The following CNTN5 variants were observed in gnomAD, a reference collection of about 807,000 sequenced individuals.
The protein encoded by CNTN5 is contactin-5.
In CNTN5, 77 loss-of-function variants were observed where a neutral mutation model predicts 129.1. The observed-to-expected ratio is 0.60, with a 90% confidence interval of 0.50 to 0.72. CNTN5 has a LOEUF of 0.72. Among genes scored for constraint, CNTN5 ranks in the 30% least tolerant of loss-of-function variants. The pLI, the probability that CNTN5 is intolerant of heterozygous loss-of-function variation, is 0.00. For synonymous variants in CNTN5, 509 were observed against 465.6 expected (o/e 1.09, Z -1.20); for missense variants, 1,478 against 1,328.8 (o/e 1.11, Z -1.75).
At chr11:100,015,528 G>A (rs1940777200) in intron 9 of CNTN5, among the ~76,000 whole-genome samples, 1 of 152,112 alleles carries the variant, frequency 6.6e-6, no homozygotes, top group South Asian at 2.1e-4. Flanking sequence ...CCTGTGGTCT[G>A]TAACTAACAA....
chr11:99,972,256 G>A (rs1951283781), intron 8 of CNTN5, among the ~76,000 whole-genome samples: 1 of 151,986 alleles, frequency 6.6e-6, no homozygotes, highest in African/African-American at 2.4e-5. Context: ...GCGAGACTCT[G>A]TTTCAAAAAA....
intron 3 of CNTN5, among the ~76,000 whole-genome samples, chr11:99,729,857 A>C (rs767302362): frequency 6.6e-5 from 10 of 152,170 alleles, no homozygotes; most frequent in Non-Finnish European, 1.5e-4. Flanking sequence ...ATGAGAACAC[A>C]TGGACACGGG....
At chr11:99,634,855 A>G (rs992760985) in intron 3 of CNTN5, among the ~76,000 whole-genome samples, 4 of 152,196 alleles carry the variant, frequency 2.6e-5, no homozygotes, top group African/African-American at 4.8e-5. Context: ...CGTGTCATCA[A>G]TGTCCCTCCA....
chr11:99,567,381 A>G (rs1366742470), intron 3 of CNTN5, among the ~76,000 whole-genome samples: 1 of 150,798 alleles, frequency 6.6e-6, no homozygotes, highest in African/African-American at 2.4e-5. Context: ...TTTTTTCTCT[A>G]CTTTGACCCC....
intron 3 of CNTN5, among the ~76,000 whole-genome samples, chr11:99,745,901 T>C (rs1944040794): frequency 6.6e-6 from 1 of 152,170 alleles, no homozygotes; most frequent in African/African-American, 2.4e-5. Context: ...AGAATAGGGC[T>C]ATACTCAGGT....
chr11:99,701,218 T>C (rs933336416), intron 3 of CNTN5, among the ~76,000 whole-genome samples: 10 of 151,162 alleles, frequency 6.6e-5, no homozygotes, highest in Non-Finnish European at 1.2e-4. Context: ...AGATAAAGAA[T>C]GCAAATGAGC....
At chr11:99,074,738 A>T (rs917489192) in intron 1 of CNTN5, among the ~76,000 whole-genome samples, 6 of 152,224 alleles carry the variant, frequency 3.9e-5, no homozygotes, top group Admixed American at 2.6e-4. Context: ...TAATTTAAAA[A>T]GTGTGATTGC....
At chr11:99,500,267 G>C (rs921352934) in intron 2 of CNTN5, among the ~76,000 whole-genome samples, 1 of 152,152 alleles carries the variant, frequency 6.6e-6, no homozygotes, top group Non-Finnish European at 1.5e-5. Flanking sequence ...TGCAGTGATA[G>C]TAACTCAAAG....
At chr11:100,012,209 A>G (rs1233200712) in intron 9 of CNTN5, among the ~76,000 whole-genome samples, 4 of 152,290 alleles carry the variant, frequency 2.6e-5, no homozygotes, top group African/African-American at 9.6e-5. Context: ...TTGCTTTAGT[A>G]TGGTTGAGAT....
intron 20 of CNTN5, among the ~76,000 whole-genome samples, chr11:100,304,024 T>G (rs1276185972): frequency 6.6e-6 from 1 of 151,572 alleles, no homozygotes; most frequent in Non-Finnish European, 1.5e-5. Flanking sequence ...AGGGATCTCT[T>G]GGAAAGTCAG....
At chr11:99,176,181 T>C (rs1212181990) in intron 1 of CNTN5, among the ~76,000 whole-genome samples, 2 of 152,232 alleles carry the variant, frequency 1.3e-5, no homozygotes, top group Non-Finnish European at 2.9e-5. Flanking sequence ...GAAATCACTT[T>C]GTCGTGTTTC....
chr11:100,064,142 C>A (rs532650463), intron 10 of CNTN5, among the ~76,000 whole-genome samples: 62 of 152,130 alleles, frequency 4.1e-4, no homozygotes, highest in Non-Finnish European at 7.2e-4. Context: ...AATTGGGATT[C>A]TATCTGTTAG....
chr11:99,618,435 CA>C, intron 3 of CNTN5, among the ~76,000 whole-genome samples: 1 of 152,224 alleles, frequency 6.6e-6, no homozygotes, highest in Non-Finnish European at 1.5e-5. Context: ...CTTGATTAAT[CA>C]CTCACAGTTT....
At chr11:99,627,751 G>T (rs1297517560) in intron 3 of CNTN5, among the ~76,000 whole-genome samples, 3 of 151,788 alleles carry the variant, frequency 2.0e-5, no homozygotes, top group Non-Finnish European at 4.4e-5. Flanking sequence ...TAATATCTGG[G>T]CCAGCCAGGC....
At position 99,483,166 on chromosome 11, in the gene CNTN5, C is replaced by T. The variant is rs565598352; in HGVS notation, c.-70-72979C>T. Reference sequence around the variant, plus strand: ...ACTCCAGCCTGGCAACAGAGTGAGACTCCTTCTCAAAAAAAAAAAAAAAAA... The same window carrying T: ...ACTCCAGCCTGGCAACAGAGTGAGATTCCTTCTCAAAAAAAAAAAAAAAAA... On this transcript the variant is annotated intron_variant, in intron 2 of 24. Transcript: ENST00000524871. Among the ~76,000 whole-genome samples, 279 of 90,430 alleles carry T rather than the reference C, an allele frequency of 3.1e-3. 2 individuals carry two copies. Among genetic ancestry groups the T allele is most frequent in the African/African-American group, 0.011 (250 of 22,380 alleles). The allele number at this position is 90,430 out of a possible 152,430, so 59.3% of individuals were successfully genotyped here.
chr11:99,777,792 T>A (rs1254478068), intron 3 of CNTN5, among the ~76,000 whole-genome samples: 3 of 151,790 alleles, frequency 2.0e-5, no homozygotes, highest in Admixed American at 1.3e-4. Flanking sequence ...CAATTCCACT[T>A]TTACATGATA....
intron 2 of CNTN5, among the ~76,000 whole-genome samples, chr11:99,412,115 T>C (rs766373496): frequency 2.6e-4 from 40 of 152,176 alleles, no homozygotes; most frequent in Non-Finnish European, 5.7e-4. Flanking sequence ...CATAGATATG[T>C]AACATTTCCT....
intron 3 of CNTN5, among the ~76,000 whole-genome samples, chr11:99,566,802 T>C (rs990164128): frequency 1.3e-5 from 2 of 152,330 alleles, no homozygotes; most frequent in South Asian, 4.1e-4. Context: ...ATTCTTAGAA[T>C]AGGCTGGAAA....
intron 21 of CNTN5, among the ~76,000 whole-genome samples, chr11:100,316,619 AAT>A (rs1345996695): frequency 3.3e-5 from 5 of 152,166 alleles, no homozygotes; most frequent in African/African-American, 1.2e-4. Flanking sequence ...TCAACAATAA[AAT>A]AGTTATATTA....
Sources: allele counts gnomAD v4.1 joint callset (sites outside exome capture counted in the v4.1 genomes callset), GRCh38; gene constraint gnomAD v4.1.1; transcripts MANE v1.5; gene names NCBI Gene and HGNC (gene_info 2026-07-23, HGNC 2026-07-21).